The following SETD1B variants were observed in gnomAD, a reference collection of about 807,000 sequenced individuals.
The protein encoded by SETD1B is histone-lysine N-methyltransferase SETD1B.
In SETD1B, 7 loss-of-function variants were observed where a neutral mutation model predicts 148.0. The ratio of observed to expected loss-of-function variants is 0.05; its 90% CI spans 0.03 to 0.09. SETD1B has a LOEUF of 0.09. Among genes scored for constraint, SETD1B ranks in the 10% least tolerant of loss-of-function variants. The probability of loss-of-function intolerance (pLI) is 1.00; values close to 1 mark genes in which losing one functional copy is unlikely to be tolerated. For missense variants in SETD1B, 2,155 were observed against 2,729.9 expected (o/e 0.79, Z 4.69); for synonymous variants, 1,361 against 1,186.5 (o/e 1.15, Z -3.02).
At chr12:121,793,228 TG>T in the SETD1B span, 1 of 1,550,900 alleles carries the variant, frequency 6.4e-7, no homozygotes, top group Non-Finnish European at 8.7e-7. Flanking sequence ...CGAACACCGA[TG>T]GGGCGTAGTG....
Position 121,815,431 on chromosome 12 carries a change from G to A in SETD1B, c.2715+501G>A, listed in dbSNP as rs560759859. On this transcript the variant is annotated intron_variant, in intron 7 of 16. Coordinates refer to ENST00000604567, the MANE Select transcript of SETD1B (RefSeq NM_001353345.2). ...CGCCCATTGCAGACAGCTCACAGCT[G>A]CGACTCCCTTTGAACTTGACTCCCC... is the stretch of plus-strand genomic sequence containing the variant. 2.0e-3 allele frequency among the ~76,000 whole-genome samples: 305 copies of A among 150,672 alleles called. 1 individual carries two copies. The highest frequency in any genetic ancestry group is 7.2e-3 in the African/African-American group (294 of 41,078).
Position 121,819,697 on chromosome 12 carries a change from A to G in SETD1B, c.3712A>G (p.Thr1238Ala), listed in dbSNP as rs1423267811. ...CATGGAAGAGGAGGTGGACATCGAG[A>G]CTGAGGCTGTGGCCCCTGAGGAGCG... is the stretch of plus-strand genomic sequence containing the variant. ...LGMEEEVDIE[T>A]EAVAPEERPS... Residue 1238 changes from threonine to alanine, a missense_variant, in exon 11 of 17, where the codon ACT becomes GCT. By Grantham distance (58) the Thr-to-Ala change is moderately conservative. Transcript: ENST00000604567. 1 of 1,551,092 alleles carries G rather than the reference A, an allele frequency of 6.4e-7. No homozygotes were observed. The highest frequency in any genetic ancestry group is 2.0e-5 in the Admixed American group (1 of 51,000).
chr12:121,821,362 G>A (rs1454528147), intron 11 of SETD1B, among the ~76,000 whole-genome samples: 10 of 151,912 alleles, frequency 6.6e-5, no homozygotes, highest in East Asian at 1.9e-4. Flanking sequence ...GCTTGAACCC[G>A]GGTGGCAGAG....
upstream of SETD1B, chr12:121,799,723 G>GGGGGGGT (rs1875217288): frequency 6.2e-5 from 8 of 128,878 alleles, no homozygotes; most frequent in South Asian, 3.1e-4. Flanking sequence ...CAGCTGGGGG[G>GGGGGGGT]GGGGGGGTGG....
At chr12:121,795,341 C>A in the SETD1B span, 3 of 152,318 alleles carry the variant, frequency 2.0e-5, no homozygotes, top group African/African-American at 7.2e-5. Flanking sequence ...TTAGGGGAAG[C>A]AGTGCAATGG....
At position 121,810,454 on chromosome 12, in the gene SETD1B, C is replaced by T. The variant is rs1255384246; in HGVS notation, c.1509C>T (p.Ile503=). Residue 503 remains isoleucine, a synonymous_variant, in exon 6 of 17, where the codon ATC becomes ATT. Transcript: ENST00000604567. This position sits in a 1 kb window ranked among gnomAD's most constrained non-coding sequence, Gnocchi z 7.6. The part of the protein sequence containing the change: ...EKPHDSLDSR[I]EMLLKEQRTK... ...CCCACGACAGCCTGGACTCGCGCAT[C>T]GAGATGCTGCTGAAGGAGCAGCGCA... 10 of 1,548,804 alleles carry T rather than the reference C, an allele frequency of 6.5e-6. No homozygotes were observed. The highest frequency in any genetic ancestry group is 3.9e-5 in the Admixed American group (2 of 51,008).
intron 6 of SETD1B, among the ~76,000 whole-genome samples, chr12:121,811,223 G>T (rs949529522): frequency 1.3e-5 from 2 of 152,170 alleles, no homozygotes; most frequent in Non-Finnish European, 2.9e-5. Context: ...TGCGTGGCTT[G>T]GGAATGATCA....
At chr12:121,797,718 A>T in the SETD1B span, 1 of 413,778 alleles carries the variant, frequency 2.4e-6, no homozygotes, top group Non-Finnish European at 4.9e-6. Flanking sequence ...GAGAGCAACG[A>T]AGACTCTAAA....
At chr12:121,819,995 C>T in intron 11 of SETD1B, 100 bp downstream of exon 11, 1 of 994,152 alleles carries the variant, frequency 1.0e-6, no homozygotes, top group South Asian at 1.5e-5. Flanking sequence ...CTGACCGTCC[C>T]CAGCCTCAGT....
chr12:121,824,515 C>T (rs2137582824), intron 12 of SETD1B, among the ~76,000 whole-genome samples: 1 of 152,234 alleles, frequency 6.6e-6, no homozygotes, highest in South Asian at 2.1e-4. Flanking sequence ...GGTGTGGTAG[C>T]ACATGCCTAT....
At chr12:121,802,830 T>C (rs1020085011), upstream of SETD1B, 1 of 152,200 alleles carries the variant, frequency 6.6e-6, no homozygotes, top group African/African-American at 2.4e-5. Flanking sequence ...AACTGGATGG[T>C]AGAGTCAAAG....
At chr12:121,824,735 A>G (rs1277059271) in intron 12 of SETD1B, among the ~76,000 whole-genome samples, 1 of 151,986 alleles carries the variant, frequency 6.6e-6, no homozygotes, top group Non-Finnish European at 1.5e-5. Flanking sequence ...ACAGATGGGA[A>G]ACTGAGCAGA....
At position 121,823,494 on chromosome 12, in the gene SETD1B, C is replaced by T. The variant is rs745587682; in HGVS notation, c.4915C>T (p.Arg1639Trp). ...TEEYMELAKS[R>W]GPWRRPPKKR... ...GGAATACATGGAGTTGGCCAAGAGC[C>T]GGGGGCCGTGGCGCCGGCCACCTAA... Residue 1639 changes from arginine to tryptophan, a missense_variant, in exon 12 of 17, where the codon CGG becomes TGG. Around this residue, in one of 11 missense-constraint regions of SETD1B, gnomAD observed 862 missense variants for 873.8 expected, o/e 0.99. Transcript: ENST00000604567. The T allele has an allele frequency of 3.9e-6, 6 of 1,550,640 alleles. No homozygotes were observed. Among genetic ancestry groups the T allele is most frequent in the East Asian group, 2.4e-5 (1 of 40,906 alleles).
At position 121,805,162 on chromosome 12, in the gene SETD1B, C is replaced by T. The variant is rs1235537005; in HGVS notation, c.219C>T (p.Val73=). The change falls in exon 3 of 17, where the codon GTC becomes GTT. Residue 73 remains valine (V), a synonymous_variant. Coordinates refer to ENST00000604567, the MANE Select transcript of SETD1B (RefSeq NM_001353345.2). This position sits in a 1 kb window ranked among gnomAD's most constrained non-coding sequence, Gnocchi z 4.2. ...RPVEIVEDPR[V]VGIWTKNKEL... ...TGGAAATTGTCGAAGATCCCCGGGT[C>T]GTCGGGATCTGGACCAAAAACAAGG... 1.3e-6 allele frequency: 2 copies of T among 1,551,490 alleles called. No individual in the cohort carries two copies. The highest frequency in any genetic ancestry group is 1.7e-6 in the Non-Finnish European group (2 of 1,146,970).
chr12:121,793,432 GGGGCTCT>G, the SETD1B span: 2 of 1,526,138 alleles, frequency 1.3e-6, no homozygotes, highest in South Asian at 1.2e-5. Flanking sequence ...ACTGAGGGTC[GGGGCTCT>G]GGGCTCAGGG....
rs760175934 is a variant in SETD1B at position 121,817,406 on chromosome 12, C to G, written c.3014C>G (p.Thr1005Ser). The change falls in exon 9 of 17, where the codon ACC (threonine) becomes AGC (serine). Residue 1005 changes from threonine to serine, a missense_variant. Physicochemically the swap from Thr to Ser is moderately conservative, Grantham distance 58. Transcript: ENST00000604567. This position sits in a 1 kb window ranked among gnomAD's most constrained non-coding sequence, Gnocchi z 8.1. ...GAGCGAGACCGGGATATGGCAGACA[C>G]CCCCTGTGAGCTCGCCAAGCGGGAC... ...ERERDRDMAD[T>S]PCELAKRDPK... 1 of 1,533,420 alleles carries G rather than the reference C, an allele frequency of 6.5e-7. No individual in the cohort carries two copies. The highest frequency in any genetic ancestry group is 1.2e-5 in the South Asian group (1 of 81,972). 95.0% of individuals were successfully genotyped at this position (1,533,420 alleles called of 1,614,324 possible).
At chr12:121,795,937 T>C in the SETD1B span, 1 of 123,576 alleles carries the variant, frequency 8.1e-6, no homozygotes, top group Middle Eastern at 3.6e-3. Context: ...CCGGCCTGGG[T>C]CCAGGCAGAA....
At position 121,805,702 on chromosome 12, in the gene SETD1B, T is replaced by TTA; in HGVS notation, c.274-132_274-131insAT. 2.3e-6 allele frequency: 2 copies of TTA among 872,912 alleles called. No individual in the cohort carries two copies. The highest frequency in any genetic ancestry group is 3.3e-5 in the South Asian group (1 of 30,222). The allele number at this position is 872,912 out of a possible 1,614,324, so 54.1% of individuals were successfully genotyped here. On this transcript the variant is annotated intron_variant, in intron 3 of 16. Transcript: ENST00000604567. The surrounding 1 kb of genome is among the most constrained non-coding windows in gnomAD (Gnocchi z 4.2). ...TTTCCAAAAAAAATTTTTTTTTTTT[T>TTA]TTTAATTTTTAGTTTTTTTACCCTT...
Position 121,830,316 on chromosome 12 carries a change from G to A in SETD1B, c.*77G>A, listed in dbSNP as rs1877035268. The A allele has an allele frequency of 7.8e-6, 11 of 1,409,040 alleles. No homozygotes were observed. The highest frequency in any genetic ancestry group is 2.9e-5 in the African/African-American group (2 of 69,568). The allele number at this position is 1,409,040 out of a possible 1,614,324, so 87.3% of individuals were successfully genotyped here. A position where few individuals can be genotyped will look rare whatever the true frequency, so the allele number is the denominator to read the frequency against. Reference sequence around the variant, plus strand: ...CGTGGAGCCCCTGGCCCCGGGGCCCGGCCCCCCGCGCCCGCCCCCATTTCA... The same window carrying A: ...CGTGGAGCCCCTGGCCCCGGGGCCCAGCCCCCCGCGCCCGCCCCCATTTCA... On this transcript the variant is annotated 3_prime_UTR_variant, in exon 17 of 17. Coordinates refer to ENST00000604567, the MANE Select transcript of SETD1B (RefSeq NM_001353345.2). This position sits in a 1 kb window ranked among gnomAD's most constrained non-coding sequence, Gnocchi z 5.7.
Sources: allele counts gnomAD v4.1 joint callset (sites outside exome capture counted in the v4.1 genomes callset), GRCh38; gene constraint gnomAD v4.1.1; regional missense constraint gnomAD v4.1.1; non-coding constraint Gnocchi (gnomAD v3.1); transcripts MANE v1.5; gene names NCBI Gene and HGNC (gene_info 2026-07-23, HGNC 2026-07-21).